The following BMAL1 variants were observed in gnomAD, a reference collection of about 807,000 sequenced individuals.
The protein encoded by BMAL1 is basic helix-loop-helix ARNT-like protein 1.
chr11:13,385,409 T>C, the BMAL1 span, among the ~76,000 whole-genome samples: 29 of 152,338 alleles, frequency 1.9e-4, no homozygotes, highest in Middle Eastern at 3.4e-3. Context: ...TAAAGAAATA[T>C]GTGGGCATCA....
the BMAL1 span, among the ~76,000 whole-genome samples, chr11:13,329,877 C>T: frequency 2.6e-5 from 4 of 152,310 alleles, no homozygotes; most frequent in South Asian, 8.3e-4. Context: ...AGGCAGGCTG[C>T]ATCTGACTCA....
chr11:13,325,727 A>G, the BMAL1 span, among the ~76,000 whole-genome samples: 3 of 149,670 alleles, frequency 2.0e-5, no homozygotes, highest in South Asian at 2.1e-4. Context: ...CAAAAATTCA[A>G]CCCTCTCCAA....
chr11:13,372,429 C>G, the BMAL1 span: 1 of 1,610,240 alleles, frequency 6.2e-7, no homozygotes, highest in South Asian at 1.1e-5. Context: ...TACATACTAC[C>G]CTTGAGCAAT....
the BMAL1 span, among the ~76,000 whole-genome samples, chr11:13,314,108 A>T: frequency 6.6e-6 from 1 of 152,068 alleles, no homozygotes; most frequent in Non-Finnish European, 1.5e-5. Context: ...CATGACCTGG[A>T]AATGACCTTC....
the BMAL1 span, among the ~76,000 whole-genome samples, chr11:13,334,884 T>G: frequency 3.9e-5 from 6 of 152,236 alleles, no homozygotes; most frequent in African/African-American, 2.4e-5. Context: ...TGCCTGGGCT[T>G]TTCTGGCCAC....
chr11:13,317,932 T>C, the BMAL1 span, among the ~76,000 whole-genome samples: 3 of 152,248 alleles, frequency 2.0e-5, no homozygotes, highest in Non-Finnish European at 4.4e-5. Flanking sequence ...CATAGTGTTT[T>C]AAGATGTTTA....
the BMAL1 span, among the ~76,000 whole-genome samples, chr11:13,373,157 C>T: frequency 1.3e-5 from 2 of 152,194 alleles, no homozygotes; most frequent in Non-Finnish European, 2.9e-5. Flanking sequence ...TCTTGTTGGA[C>T]AGCGTTGATC....
chr11:13,335,491 G>C, the BMAL1 span, among the ~76,000 whole-genome samples: 12 of 152,130 alleles, frequency 7.9e-5, no homozygotes, highest in Admixed American at 7.2e-4. Flanking sequence ...TGACCCAGAC[G>C]AGGCTTTTAC....
chr11:13,365,361 G>T, the BMAL1 span: 1 of 602,752 alleles, frequency 1.7e-6, no homozygotes. Context: ...TCAGCATCCT[G>T]CACTCAGGAT....
At chr11:13,299,992 G>A in the BMAL1 span, among the ~76,000 whole-genome samples, 8 of 152,190 alleles carry the variant, frequency 5.3e-5, no homozygotes, top group African/African-American at 1.9e-4. Flanking sequence ...AGATGGATTC[G>A]TTCTGCAAAC....
the BMAL1 span, among the ~76,000 whole-genome samples, chr11:13,324,312 C>T: frequency 1.8e-4 from 28 of 152,330 alleles, no homozygotes; most frequent in Admixed American, 1.3e-4. Context: ...CCTGCCAGCC[C>T]CTCCTGCTCA....
chr11:13,375,816 G>T, the BMAL1 span: 7 of 1,484,578 alleles, frequency 4.7e-6, no homozygotes, highest in Non-Finnish European at 1.8e-6. Context: ...GATGCCTAGG[G>T]TTCCTCATCT....
the BMAL1 span, among the ~76,000 whole-genome samples, chr11:13,351,165 T>A: frequency 1.3e-5 from 2 of 152,170 alleles, no homozygotes; most frequent in African/African-American, 4.8e-5. Context: ...ATGTGGATAT[T>A]CAAGGGGGCT....
the BMAL1 span, among the ~76,000 whole-genome samples, chr11:13,357,905 G>C: frequency 6.6e-6 from 1 of 152,180 alleles, no homozygotes; most frequent in Non-Finnish European, 1.5e-5. The surrounding 1 kb of genome is among the most constrained non-coding windows in gnomAD (Gnocchi z 4.8). Flanking sequence ...GCTGCACCTA[G>C]GTGGGGACCT....
At chr11:13,338,050 T>C in the BMAL1 span, among the ~76,000 whole-genome samples, 1 of 152,318 alleles carries the variant, frequency 6.6e-6, no homozygotes, top group African/African-American at 2.4e-5. Context: ...TTATTTTTGT[T>C]GTGATTCCTG....
At chr11:13,296,254 C>T in the BMAL1 span, among the ~76,000 whole-genome samples, 1 of 152,188 alleles carries the variant, frequency 6.6e-6, no homozygotes, top group Non-Finnish European at 1.5e-5. Context: ...GGGGCTTTCC[C>T]AGCCCTTTCC....
chr11:13,306,108 G>T, the BMAL1 span, among the ~76,000 whole-genome samples: 1 of 152,206 alleles, frequency 6.6e-6, no homozygotes. Flanking sequence ...TGGAATCAGG[G>T]AAAGTGCACC....
the BMAL1 span, among the ~76,000 whole-genome samples, chr11:13,340,010 T>G: frequency 2.6e-3 from 398 of 152,322 alleles, 3 homozygotes; most frequent in Middle Eastern, 0.024. Context: ...ATGCCAACAG[T>G]GTCTTCGTTA....
the BMAL1 span, among the ~76,000 whole-genome samples, chr11:13,353,055 C>A: frequency 6.6e-6 from 1 of 152,250 alleles, no homozygotes. Flanking sequence ...CATCTCATGG[C>A]TTTCCTTGCA....
Sources: allele counts gnomAD v4.1 joint callset (sites outside exome capture counted in the v4.1 genomes callset), GRCh38; gene constraint gnomAD v4.1.1; non-coding constraint Gnocchi (gnomAD v3.1); transcripts MANE v1.5; gene names NCBI Gene and HGNC (gene_info 2026-07-23, HGNC 2026-07-21).